The following ANKRD12 variants were observed in gnomAD, a reference collection of about 807,000 sequenced individuals.
The protein encoded by ANKRD12 is ankyrin repeat domain 12.
A neutral mutation model predicts 183.4 loss-of-function variants in ANKRD12; 85 were observed. The ratio of observed to expected loss-of-function variants is 0.46; its 90% CI spans 0.39 to 0.56. The LOEUF is 0.56. Among genes scored for constraint, ANKRD12 ranks in the 20% least tolerant of loss-of-function variants. The pLI, the probability that ANKRD12 is intolerant of heterozygous loss-of-function variation, is 0.00. For synonymous variants in ANKRD12, 914 were observed against 800.2 expected (o/e 1.14, Z -2.40); for missense variants, 2,405 against 2,357.1 (o/e 1.02, Z -0.42).
intron 8 of ANKRD12, among the ~76,000 whole-genome samples, chr18:9,224,782 C>T (rs1477696095): frequency 6.6e-6 from 1 of 152,102 alleles, no homozygotes; most frequent in East Asian, 1.9e-4. Flanking sequence ...GACTTAAATG[C>T]CCCCAAAATG....
At chr18:9,208,548 T>C (rs71362073) in intron 4 of ANKRD12, 109 bp from the exon 5 acceptor site, 92,457 of 879,680 alleles carry the variant, frequency 0.11, 5,588 homozygotes, top group African/African-American at 0.16. Context: ...TCATATATTG[T>C]ACACATTTCT....
rs115663523 is a variant in ANKRD12 at position 9,196,326 on chromosome 18, C to T, written c.235+628C>T. Among the ~76,000 whole-genome samples the T allele has an allele frequency of 6.9e-3, 1,046 of 151,992 alleles. 21 individuals are homozygous for T. The highest frequency in any genetic ancestry group is 0.024 in the African/African-American group (987 of 41,416). On this transcript the variant is annotated intron_variant, in intron 3 of 12. Coordinates refer to ENST00000262126, the MANE Select transcript of ANKRD12 (RefSeq NM_015208.5). Reference sequence around the variant, plus strand: ...ATCAGCCAATCCCAGTTATTCATAACGGATGAGATTCTTTTTATTGCTATC... The same window carrying T: ...ATCAGCCAATCCCAGTTATTCATAATGGATGAGATTCTTTTTATTGCTATC...
Position 9,216,608 on chromosome 18 carries a change from TA to T in ANKRD12, c.653-149del, listed in dbSNP as rs1472062887. On this transcript the variant is annotated intron_variant, in intron 6 of 12. Transcript: ENST00000262126. ...ACCTTCAGTAAATTGATATTGTTCT[TA>T]TTTATTTTTAGTAGCTTCTTCATCA... 21 of 711,398 alleles carry T rather than the reference TA, an allele frequency of 3.0e-5. No homozygotes were observed. The Admixed American group carries it at 6.7e-4, about 23-fold the overall frequency. The allele number at this position is 711,398 out of a possible 1,614,324, so 44.1% of individuals were successfully genotyped here.
At chr18:9,190,646 CA>C (rs1225594049) in intron 2 of ANKRD12, among the ~76,000 whole-genome samples, 5 of 152,132 alleles carry the variant, frequency 3.3e-5, no homozygotes, top group Admixed American at 3.3e-4. Context: ...CCCCAACCAT[CA>C]AAAATTGTCC....
At chr18:9,174,694 A>G (rs2033085744) in intron 1 of ANKRD12, among the ~76,000 whole-genome samples, 2 of 152,178 alleles carry the variant, frequency 1.3e-5, no homozygotes. Flanking sequence ...CCTCCTAATC[A>G]GTCCCAGTGT....
rs2038055782 is a variant in ANKRD12, at chr18:9,247,858, A to AAT, written c.944-6352_944-6351dup. On this transcript the variant is annotated intron_variant, in intron 8 of 12. Transcript: ENST00000262126. ...ATTCTTGTTGCCCAGGCTGGAGTGC[A>AAT]ATGGTGCAACTTCCACCTCCCAGGT... Among the ~76,000 whole-genome samples the AAT allele has an allele frequency of 5.3e-5, 8 of 152,060 alleles. No individual in the cohort carries two copies. In the South Asian group the frequency reaches 1.7e-3, roughly 32 times the overall value.
At chr18:9,235,750 C>G in intron 8 of ANKRD12, 1 of 450,778 alleles carries the variant, frequency 2.2e-6, no homozygotes, top group Non-Finnish European at 4.5e-6. Context: ...AGCCTTGGTT[C>G]TTTAACAGAT....
chr18:9,218,687 T>C (rs1356584861), intron 7 of ANKRD12, among the ~76,000 whole-genome samples: 1 of 151,856 alleles, frequency 6.6e-6, no homozygotes, highest in Non-Finnish European at 1.5e-5. Flanking sequence ...TTCTTTTTTT[T>C]GAGACAGCAT....
Position 9,204,550 on chromosome 18 carries a change from T to C in ANKRD12, c.304+6T>C, listed in dbSNP as rs768215108. 2.6e-6 allele frequency: 4 copies of C among 1,567,512 alleles called. No homozygotes were observed. The South Asian group carries it at 3.5e-5, about 14-fold the overall frequency. On this transcript the variant is annotated splice_donor_region_variant and intron_variant, in intron 4 of 12. Coordinates refer to ENST00000262126, the MANE Select transcript of ANKRD12 (RefSeq NM_015208.5). Reference sequence around the variant, plus strand: ...TTCTTACAGGACATACTCAGGTAATTAGATTATCAGGTGTTCCTGTTTAGC... The same window carrying C: ...TTCTTACAGGACATACTCAGGTAATCAGATTATCAGGTGTTCCTGTTTAGC...
intron 3 of ANKRD12, 21 bp from the exon 4 acceptor site, chr18:9,204,455 C>T: frequency 6.4e-7 from 1 of 1,566,932 alleles, no homozygotes. Context: ...TTCTCTTCTC[C>T]TGTCTCTTCT....
intron 1 of ANKRD12, among the ~76,000 whole-genome samples, chr18:9,156,146 AAAAAAAAAAG>A (rs1171663195): frequency 6.6e-6 from 1 of 151,042 alleles, no homozygotes; most frequent in Non-Finnish European, 1.5e-5. Context: ...TCAAAAAAAA[AAAAAAAAAAG>A]AAAAAGACTT....
intron 3 of ANKRD12, among the ~76,000 whole-genome samples, chr18:9,199,726 GT>G (rs201457578): frequency 6.6e-6 from 1 of 151,286 alleles, no homozygotes; most frequent in Non-Finnish European, 1.5e-5. Context: ...AATGCCTTTA[GT>G]TTTTTTTAAT....
At chr18:9,237,232 A>G (rs1372581495) in intron 8 of ANKRD12, among the ~76,000 whole-genome samples, 2 of 152,222 alleles carry the variant, frequency 1.3e-5, no homozygotes, top group Non-Finnish European at 1.5e-5. Context: ...TGAAATATCT[A>G]TCAATGAAAT....
intron 11 of ANKRD12, among the ~76,000 whole-genome samples, chr18:9,276,889 A>G (rs1413642505): frequency 6.6e-6 from 1 of 152,192 alleles, no homozygotes; most frequent in Non-Finnish European, 1.5e-5. Flanking sequence ...TTCATATTTA[A>G]AGATGTTTAA....
intron 8 of ANKRD12, among the ~76,000 whole-genome samples, chr18:9,235,445 A>G (rs1030605514): frequency 2.6e-5 from 4 of 152,256 alleles, no homozygotes; most frequent in Non-Finnish European, 4.4e-5. Flanking sequence ...TAATCCAGCT[A>G]AAAAGAAAAA....
chr18:9,234,521 C>A (rs1218151319), intron 8 of ANKRD12, among the ~76,000 whole-genome samples: 1 of 152,124 alleles, frequency 6.6e-6, no homozygotes, highest in East Asian at 1.9e-4. Context: ...AGAATACTCT[C>A]TTGAGTTAGA....
At position 9,256,191 on chromosome 18, in the gene ANKRD12, C is replaced by T. The variant is rs182642815; in HGVS notation, c.2924C>T (p.Ser975Phe). The stretch of plus-strand genomic sequence containing the variant: ...AAAGAAAGTATAAATATAACTAACT[C>T]CAAACACATACAGGAAGAAAAAAAA... ...RDKESINITN[S>F]KHIQEEKKSS... Residue 975 changes from serine to phenylalanine, a missense_variant, in exon 9 of 13, where the codon TCC becomes TTC. Around this residue, in one of 7 missense-constraint regions of ANKRD12, gnomAD observed 1,983 missense variants for 1,725.9 expected, o/e 1.15. Transcript: ENST00000262126. 270 of 1,567,910 alleles carry T rather than the reference C, an allele frequency of 1.7e-4. No individual in the cohort carries two copies. The African/African-American group carries it at 3.6e-3, about 21-fold the overall frequency.
In ANKRD12 at chr18:9,169,853, G is replaced by T. The variant is rs552348873; in HGVS notation, c.-51-12529G>T. On this transcript the variant is annotated intron_variant, in intron 1 of 12. Transcript: ENST00000262126. ...CATGTTTTTGCAGTGGCTGGTACCA[G>T]TTGTTCCTTTCCATGTTTAGTGCTT... Among the ~76,000 whole-genome samples the T allele has an allele frequency of 2.6e-5, 4 of 152,310 alleles. No individual in the cohort carries two copies. In the East Asian group the frequency reaches 7.7e-4, roughly 29 times the overall value.
chr18:9,262,246 G>C (rs954623437), intron 9 of ANKRD12, among the ~76,000 whole-genome samples: 1 of 152,162 alleles, frequency 6.6e-6, no homozygotes, highest in East Asian at 1.9e-4. Context: ...AAAATACCTG[G>C]TTGTCCTACT....
Sources: gnomAD v4.1 joint callset for allele counts (sites outside exome capture counted in the v4.1 genomes callset) on GRCh38, gnomAD v4.1.1 for gene constraint, gnomAD v4.1.1 regional missense constraint, MANE v1.5 for transcripts, NCBI Gene and HGNC (gene_info 2026-07-23, HGNC 2026-07-21) for gene names.